Variants in C10orf67 observed in about 807,000 individuals in gnomAD.
The protein encoded by C10orf67 is chromosome 10 open reading frame 67, also known as uncharacterized protein C10orf67, mitochondrial.
C10orf67 carries 60 observed loss-of-function variants against 35.6 expected under a neutral mutation model. The ratio of observed to expected loss-of-function variants is 1.68; its 90% CI spans 1.37 to 2.09. The LOEUF is 2.09. C10orf67 is among the 30% of genes most tolerant of loss of function. The pLI is 0.00. For synonymous variants in C10orf67, 167 were observed against 115.8 expected (o/e 1.44, Z -2.84); for missense variants, 474 against 330.2 (o/e 1.44, Z -3.38).
intron 13 of C10orf67, among the ~76,000 whole-genome samples, chr10:23,224,534 C>T (rs540123883): frequency 6.6e-5 from 10 of 152,330 alleles, no homozygotes; most frequent in African/African-American, 2.4e-4. Flanking sequence ...CGGAGAATGA[C>T]TTTGACGAGT....
chr10:23,333,821 C>A (rs1274034077), intron 1 of C10orf67, among the ~76,000 whole-genome samples: 1 of 152,090 alleles, frequency 6.6e-6, no homozygotes, highest in East Asian at 1.9e-4. Flanking sequence ...AACAATACAG[C>A]TAGTTTTTCT....
At chr10:23,253,602 A>G (rs1357245847) in intron 10 of C10orf67, among the ~76,000 whole-genome samples, 15 of 152,224 alleles carry the variant, frequency 9.9e-5, no homozygotes, top group Admixed American at 9.8e-4. Flanking sequence ...TTCCACGTAG[A>G]AAGACATTAA....
At chr10:23,249,858 A>G (rs539650071) in intron 12 of C10orf67, among the ~76,000 whole-genome samples, 4 of 152,346 alleles carry the variant, frequency 2.6e-5, no homozygotes, top group African/African-American at 9.6e-5. Flanking sequence ...GCAGAACACA[A>G]CTAAACAGAA....
Position 23,342,166 on chromosome 10 carries a change from AAAAACAAAAC to A in C10orf67, c.206+2393_206+2402del, listed in dbSNP as rs920659553. ...GTGACAGAGTGAGACCCTGACTCTA[AAAAACAAAAC>A]AAAACAAAACAAAAATTAAATCACA... On this transcript the variant is annotated intron_variant, in intron 1 of 15. Coordinates refer to ENST00000636213, the MANE Select transcript of C10orf67 (RefSeq NM_001371909.1). Among the ~76,000 whole-genome samples the A allele has an allele frequency of 4.9e-4, 74 of 151,828 alleles. 1 individual carries two copies. The East Asian group carries it at 0.014, about 29-fold the overall frequency.
intron 4 of C10orf67, among the ~76,000 whole-genome samples, chr10:23,309,763 G>A (rs568607228): frequency 7.0e-4 from 107 of 152,264 alleles, no homozygotes; most frequent in African/African-American, 2.6e-3. Flanking sequence ...TTCTGGATGG[G>A]CTCGGCCACT....
intron 12 of C10orf67, among the ~76,000 whole-genome samples, chr10:23,249,363 A>T (rs1411061552): frequency 6.6e-6 from 1 of 152,170 alleles, no homozygotes. Context: ...TTTGTCTCAC[A>T]TGTATCTACG....
intron 1 of C10orf67, among the ~76,000 whole-genome samples, chr10:23,337,327 A>G (rs1280649573): frequency 6.6e-6 from 1 of 152,212 alleles, no homozygotes; most frequent in Non-Finnish European, 1.5e-5. Flanking sequence ...TGAGCTTAGG[A>G]GTTCGAGACC....
At chr10:23,323,349 G>A (rs1359934296) in intron 2 of C10orf67, among the ~76,000 whole-genome samples, 3 of 152,024 alleles carry the variant, frequency 2.0e-5, no homozygotes. Flanking sequence ...TATTCACTAG[G>A]GCTCCCACCT....
At chr10:23,208,150 C>G (rs998769863) in intron 15 of C10orf67, among the ~76,000 whole-genome samples, 2 of 152,194 alleles carry the variant, frequency 1.3e-5, no homozygotes, top group Admixed American at 1.3e-4. Context: ...TTACAAGCAG[C>G]TAGTTTTTCT....
intron 1 of C10orf67, among the ~76,000 whole-genome samples, chr10:23,339,850 A>C (rs998945984): frequency 6.6e-5 from 10 of 152,146 alleles, no homozygotes; most frequent in African/African-American, 2.2e-4. Flanking sequence ...TCCTGTCTGG[A>C]CCCTGAGTGC....
chr10:23,339,242 C>T (rs1845794731), intron 1 of C10orf67, among the ~76,000 whole-genome samples: 1 of 152,092 alleles, frequency 6.6e-6, no homozygotes, highest in Non-Finnish European at 1.5e-5. Context: ...AAGGGAGTCA[C>T]TCTACTGGCT....
At chr10:23,323,942 T>TACACAC (rs1845078808) in intron 2 of C10orf67, among the ~76,000 whole-genome samples, 1 of 50,266 alleles carries the variant, frequency 2.0e-5, no homozygotes, top group African/African-American at 9.8e-5. Flanking sequence ...TATATATATA[T>TACACAC]ATATATATAT....
intron 1 of C10orf67, among the ~76,000 whole-genome samples, chr10:23,336,819 G>T (rs889391826): frequency 2.0e-5 from 3 of 151,980 alleles, no homozygotes; most frequent in Non-Finnish European, 4.4e-5. Context: ...GGCCCTAGAT[G>T]TTGGTTTCTA....
chr10:23,334,665 G>T (rs1175505163), intron 1 of C10orf67, among the ~76,000 whole-genome samples: 1 of 152,246 alleles, frequency 6.6e-6, no homozygotes, highest in Non-Finnish European at 1.5e-5. Context: ...GCTTGGCAGT[G>T]GATGTCCAGG....
chr10:23,253,975 G>C (rs1444077057), intron 10 of C10orf67, among the ~76,000 whole-genome samples: 1 of 152,102 alleles, frequency 6.6e-6, no homozygotes, highest in Non-Finnish European at 1.5e-5. Flanking sequence ...TCCTGGCTCT[G>C]TCCACATTAA....
intron 2 of C10orf67, among the ~76,000 whole-genome samples, chr10:23,324,778 G>A (rs982990492): frequency 6.6e-6 from 1 of 152,094 alleles, no homozygotes; most frequent in African/African-American, 2.4e-5. Flanking sequence ...TCCTTGATCT[G>A]ATTCAAAAGC....
chr10:23,223,830 A>G lies in C10orf67; in HGVS notation c.1435-12T>C. 1 of 715,070 alleles carries G rather than the reference A, an allele frequency of 1.4e-6. No homozygotes were observed. 44.3% of individuals were successfully genotyped at this position (715,070 alleles called of 1,614,324 possible). A position where few individuals can be genotyped will look rare whatever the true frequency, so the allele number is the denominator to read the frequency against. On this transcript the variant is annotated splice_polypyrimidine_tract_variant and intron_variant, in intron 13 of 15. Transcript: ENST00000636213. ...AAGGGTTTTACTTTCTGAAAGACAC[A>G]AAAGATATGTACTGTGTTATCAGGA...
chr10:23,234,374 G>A (rs1204485804), intron 13 of C10orf67, among the ~76,000 whole-genome samples: 2 of 152,164 alleles, frequency 1.3e-5, no homozygotes, highest in African/African-American at 4.8e-5. Context: ...TCCTCTGCAG[G>A]AACATGGGTA....
chr10:23,326,713 G>T (rs1005008437), intron 2 of C10orf67, among the ~76,000 whole-genome samples: 7 of 152,128 alleles, frequency 4.6e-5, no homozygotes, highest in African/African-American at 1.7e-4. Context: ...AAAGATGGGA[G>T]GGTGGTAAAC....
Sources: gnomAD v4.1 joint callset for allele counts (sites outside exome capture counted in the v4.1 genomes callset) on GRCh38, gnomAD v4.1.1 for gene constraint, MANE v1.5 for transcripts, NCBI Gene and HGNC (gene_info 2026-07-23, HGNC 2026-07-21) for gene names.